The following PTPRS variants were observed in gnomAD, a reference collection of about 807,000 sequenced individuals.
The protein encoded by PTPRS is receptor-type tyrosine-protein phosphatase S.
In PTPRS, 63 loss-of-function variants were observed where a neutral mutation model predicts 215.3. The observed-to-expected ratio is 0.29, with a 90% CI of 0.24 to 0.36. The LOEUF is 0.36. PTPRS is among the 10% of genes least tolerant of loss of function. PTPRS has a pLI of 1.00. For synonymous variants in PTPRS, 1,404 were observed against 1,191.4 expected (o/e 1.18, Z -3.68); for missense variants, 2,258 against 2,825.8 (o/e 0.80, Z 4.56).
chr19:5,292,298 C>T (rs2048886381), intron 1 of PTPRS, among the ~76,000 whole-genome samples: 1 of 152,186 alleles, frequency 6.6e-6, no homozygotes, highest in Admixed American at 6.5e-5. Flanking sequence ...CAGAGACCAC[C>T]CCAGGCAATG....
chr19:5,260,873 G>T, intron 6 of PTPRS, 51 bp from the exon 7 acceptor site: 1 of 1,603,220 alleles, frequency 6.2e-7, no homozygotes, highest in South Asian at 1.1e-5. Context: ...CGGTTGTTGG[G>T]GGGCCGGGGG....
chr19:5,212,872 C>T (rs2041047614), intron 30 of PTPRS, among the ~76,000 whole-genome samples: 1 of 151,874 alleles, frequency 6.6e-6, no homozygotes, highest in African/African-American at 2.4e-5. Context: ...TCTGCGCCTC[C>T]CAGTCACCAT....
At chr19:5,286,300 C>A (rs908238297) in intron 1 of PTPRS, 66 bp from the exon 2 acceptor site, 2 of 744,802 alleles carry the variant, frequency 2.7e-6, no homozygotes, top group Admixed American at 4.3e-5. Context: ...ATGGAGGAGG[C>A]AGAGGGAGGG....
intron 1 of PTPRS, among the ~76,000 whole-genome samples, chr19:5,296,631 G>T (rs762040819): frequency 6.6e-6 from 1 of 151,742 alleles, no homozygotes; most frequent in African/African-American, 2.4e-5. Context: ...CAAAGGCCCC[G>T]GGGCAGCACT....
chr19:5,209,861 T>C (rs1320774540), intron 35 of PTPRS, among the ~76,000 whole-genome samples: 1 of 152,194 alleles, frequency 6.6e-6, no homozygotes, highest in Admixed American at 6.5e-5. Flanking sequence ...CACCATCCTT[T>C]GGCATCATCT....
In PTPRS at chr19:5,211,591, T is replaced by G; in HGVS notation, c.5233A>C (p.Arg1745=). The G allele has an allele frequency of 6.2e-7, 1 of 1,607,226 alleles. No individual in the cohort carries two copies. Among genetic ancestry groups the G allele is most frequent in the East Asian group, 2.2e-5 (1 of 44,664 alleles). The change falls in exon 33 of 38, where the codon AGG becomes CGG. Residue 1745 remains arginine (R), a splice_region_variant and synonymous_variant. Coordinates refer to ENST00000262963, the MANE Select transcript of PTPRS (RefSeq NM_002850.4). ...AGGTGGGAAAGGCATGGCACCTACC[T>G]GTAGCCATCAATGAAGCTGGCGTTG... The part of the protein sequence containing the change: ...YINASFIDGY[R]QQKAYIATQG...
Position 5,214,387 on chromosome 19 carries a change from A to G in PTPRS, c.4588T>C (p.Cys1530Arg). The G allele has an allele frequency of 6.2e-7, 1 of 1,614,172 alleles. No homozygotes were observed. Among genetic ancestry groups the G allele is most frequent in the Non-Finnish European group, 8.5e-7 (1 of 1,180,038 alleles). Residue 1530 changes from cysteine (C) to arginine (R), a missense_variant, in exon 30 of 38, where the codon TGC becomes CGC. By Grantham distance (180) the Cys-to-Arg change is radical. Transcript: ENST00000262963. ...TTGTGCAGAGAGAATGTCCTGACGC[A>G]GAATGTGGCCAGCTCGATGGTATCT... ...LLDTIELATF[C>R]VRTFSLHKNG...
At chr19:5,306,203 G>A (rs188320328) in intron 1 of PTPRS, among the ~76,000 whole-genome samples, 8 of 149,320 alleles carry the variant, frequency 5.4e-5, no homozygotes, top group African/African-American at 1.2e-4. Flanking sequence ...GGAGTACAGC[G>A]GCACAATCTC....
intron 1 of PTPRS, among the ~76,000 whole-genome samples, chr19:5,320,146 G>A (rs879587425): frequency 1.3e-5 from 2 of 152,304 alleles, no homozygotes; most frequent in South Asian, 2.1e-4. Context: ...TACTCCAGCC[G>A]GGGCCTTCCT....
intron 1 of PTPRS, among the ~76,000 whole-genome samples, chr19:5,310,471 C>T (rs1221782189): frequency 6.6e-6 from 1 of 151,902 alleles, no homozygotes; most frequent in Non-Finnish European, 1.5e-5. Flanking sequence ...GCGCCCACCA[C>T]CATACCCAGC....
chr19:5,228,075 C>G (rs976150513), intron 16 of PTPRS, among the ~76,000 whole-genome samples: 1 of 151,876 alleles, frequency 6.6e-6, no homozygotes, highest in Non-Finnish European at 1.5e-5. Flanking sequence ...AGGGTCTCTG[C>G]GAGAAGAGCA....
chr19:5,206,508 C>CGGGGGGGGG lies in PTPRS; in HGVS notation c.*265_*266insCCCCCCCCC. ...CTCACCATCCCCCCACCCCCCACCC[C>CGGGGGGGGG]GGAATCTGGTTTTGGAATTGGAAGG... On this transcript the variant is annotated 3_prime_UTR_variant, in exon 38 of 38. Coordinates refer to ENST00000262963, the MANE Select transcript of PTPRS (RefSeq NM_002850.4). The CGGGGGGGGG allele has an allele frequency of 2.8e-6, 1 of 360,384 alleles. No homozygotes were observed. The highest frequency in any genetic ancestry group is 4.5e-5 in the Admixed American group (1 of 22,458). 22.3% of individuals were successfully genotyped at this position (360,384 alleles called of 1,614,324 possible).
intron 4 of PTPRS, among the ~76,000 whole-genome samples, chr19:5,266,378 C>G (rs1374790539): frequency 6.6e-6 from 1 of 152,086 alleles, no homozygotes; most frequent in Admixed American, 6.6e-5. Context: ...CTTGACCTCC[C>G]AAAGCATTGG....
intron 4 of PTPRS, among the ~76,000 whole-genome samples, chr19:5,265,418 C>G (rs8105283): frequency 2.0e-5 from 3 of 151,992 alleles, no homozygotes; most frequent in East Asian, 1.9e-4. Flanking sequence ...CATAGCTCAC[C>G]GCAGTCTCAA....
intron 17 of PTPRS, among the ~76,000 whole-genome samples, chr19:5,224,987 G>A (rs116953931): frequency 0.029 from 4,482 of 151,952 alleles, 78 homozygotes; most frequent in Middle Eastern, 0.075. Context: ...AGCTTGTTCC[G>A]CCCACCACCA....
At chr19:5,230,173 C>T (rs1182088992) in intron 14 of PTPRS, among the ~76,000 whole-genome samples, 2 of 152,214 alleles carry the variant, frequency 1.3e-5, no homozygotes, top group Non-Finnish European at 2.9e-5. Context: ...ATCTTTTTCA[C>T]CCACCCCAGG....
rs554572803 is a variant in PTPRS, at chr19:5,217,061, G to A, written c.4049-294C>T. ...CCTCCCCCAGACCAGCCTGGCCTTGGGTCCCCTCTGTTGAGGTCAGCAGAG... is the reference window on the plus strand; with the variant it reads ...CCTCCCCCAGACCAGCCTGGCCTTGAGTCCCCTCTGTTGAGGTCAGCAGAG... On this transcript the variant is annotated intron_variant, in intron 25 of 37. Coordinates refer to ENST00000262963, the MANE Select transcript of PTPRS (RefSeq NM_002850.4). Among the ~76,000 whole-genome samples the A allele has an allele frequency of 8.1e-4, 124 of 152,306 alleles. 1 individual carries two copies. The highest frequency in any genetic ancestry group is 2.9e-3 in the African/African-American group (122 of 41,566).
At chr19:5,266,680 A>G (rs1415469549) in intron 4 of PTPRS, among the ~76,000 whole-genome samples, 1 of 151,656 alleles carries the variant, frequency 6.6e-6, no homozygotes, top group Non-Finnish European at 1.5e-5. Flanking sequence ...CTAAACATAA[A>G]CCACACTGCT....
chr19:5,210,876 G>A lies in PTPRS; in HGVS notation c.5235-71C>T, dbSNP rs543741009. On this transcript the variant is annotated intron_variant, in intron 33 of 37. Transcript: ENST00000262963. This position sits in a 1 kb window ranked among gnomAD's most constrained non-coding sequence, Gnocchi z 4.5. ...GCGTGGTACTCACCTGATGCTGCCC[G>A]GGAGGGTCAGGACCAAGCCAGTGAC... 596 of 1,555,848 alleles carry A rather than the reference G, an allele frequency of 3.8e-4. No homozygotes were observed. The highest frequency in any genetic ancestry group is 4.8e-4 in the Non-Finnish European group (549 of 1,155,692).
Sources: allele counts gnomAD v4.1 joint callset (sites outside exome capture counted in the v4.1 genomes callset), GRCh38; gene constraint gnomAD v4.1.1; non-coding constraint Gnocchi (gnomAD v3.1); transcripts MANE v1.5; gene names NCBI Gene and HGNC (gene_info 2026-07-23, HGNC 2026-07-21).